The following BIRC6 variants were observed in gnomAD, a reference collection of about 807,000 sequenced individuals.
The protein encoded by BIRC6 is dual E2 ubiquitin-conjugating enzyme/E3 ubiquitin-protein ligase BIRC6.
BIRC6 carries 98 observed loss-of-function variants against 503.3 expected under a neutral mutation model. That is an observed-to-expected ratio of 0.19 (90% confidence interval 0.17 to 0.23). BIRC6 has a LOEUF of 0.23. Ranked by LOEUF, BIRC6 falls within the 10% of genes least tolerant of loss-of-function variation. The pLI is 1.00. For missense variants in BIRC6, 5,360 were observed against 5,806.0 expected, an observed-to-expected ratio of 0.92 and a Z score of 2.50; for synonymous variants, 2,240 against 2,078.7, an observed-to-expected ratio of 1.08 and a Z score of -2.11.
chr2:32,586,041 A>G (rs2060998509), intron 66 of BIRC6, among the ~76,000 whole-genome samples: 1 of 152,208 alleles, frequency 6.6e-6, no homozygotes, highest in South Asian at 2.1e-4. Flanking sequence ...GATGTTCATC[A>G]TGGAAAACAG....
intron 1 of BIRC6, among the ~76,000 whole-genome samples, chr2:32,358,545 G>A (rs993485302): frequency 5.3e-5 from 8 of 152,196 alleles, no homozygotes; most frequent in African/African-American, 1.9e-4. Context: ...TCGGACTCCT[G>A]CATAGAGATG....
intron 50 of BIRC6, among the ~76,000 whole-genome samples, chr2:32,507,424 ACT>A (rs2053920840): frequency 6.6e-6 from 1 of 152,120 alleles, no homozygotes. Context: ...ACAGAGCAAG[ACT>A]CTATCTCAGG....
At chr2:32,432,789 C>T (rs559143838) in intron 12 of BIRC6, among the ~76,000 whole-genome samples, 29 of 150,392 alleles carry the variant, frequency 1.9e-4, no homozygotes, top group African/African-American at 6.4e-4. Flanking sequence ...TTTCATGCTA[C>T]GTGAGATGGG....
At chr2:32,555,113 C>T (rs988954031) in intron 65 of BIRC6, among the ~76,000 whole-genome samples, 2 of 152,154 alleles carry the variant, frequency 1.3e-5, no homozygotes, top group African/African-American at 4.8e-5. Flanking sequence ...GAAAAATTGT[C>T]GAGCTGTCGT....
intron 66 of BIRC6, among the ~76,000 whole-genome samples, chr2:32,576,633 G>T (rs1260196354): frequency 9.7e-6 from 1 of 103,006 alleles, no homozygotes; most frequent in Non-Finnish European, 2.2e-5. Flanking sequence ...TAGATCAAAA[G>T]ATCATAGAGA....
chr2:32,570,779 G>A (rs1433978003), intron 65 of BIRC6, among the ~76,000 whole-genome samples: 3 of 152,094 alleles, frequency 2.0e-5, no homozygotes, highest in African/African-American at 7.2e-5. Context: ...AGTTACAGGT[G>A]TGAGCCATCA....
At chr2:32,576,066 G>T (rs1036084632) in intron 66 of BIRC6, among the ~76,000 whole-genome samples, 9 of 152,076 alleles carry the variant, frequency 5.9e-5, no homozygotes, top group African/African-American at 1.9e-4. Context: ...TTGTATTTAG[G>T]TGCTATATTT....
At position 32,499,457 on chromosome 2, in the gene BIRC6, A is replaced by T. The variant is rs905155261; in HGVS notation, c.8469-90A>T. The T allele has an allele frequency of 9.4e-6, 11 of 1,170,944 alleles. No individual in the cohort carries two copies. The African/African-American group carries it at 1.4e-4, about 15-fold the overall frequency. 72.5% of individuals were successfully genotyped at this position (1,170,944 alleles called of 1,614,324 possible). Reference sequence around the variant, plus strand: ...ATTGTGATAAGTTACTACTTTCAGAACTACTTAAAATCGTTTAATTTTTAA... The same window carrying T: ...ATTGTGATAAGTTACTACTTTCAGATCTACTTAAAATCGTTTAATTTTTAA... On this transcript the variant is annotated intron_variant, in intron 45 of 73. Transcript: ENST00000421745.
In BIRC6 at chr2:32,493,400, A is replaced by G. The variant is rs1260139197; in HGVS notation, c.8341-140A>G. 7.6e-6 allele frequency: 5 copies of G among 655,666 alleles called. No individual in the cohort carries two copies. The Admixed American group carries it at 1.2e-4, about 16-fold the overall frequency. The allele number at this position is 655,666 out of a possible 1,614,324, so 40.6% of individuals were successfully genotyped here. On this transcript the variant is annotated intron_variant, in intron 44 of 73. Transcript: ENST00000421745. ...AGACCTAAAAAATTCATTTCCTGCTATCATTGTTAATACTTTTGTTTTCCT... is the reference window on the plus strand; with the variant it reads ...AGACCTAAAAAATTCATTTCCTGCTGTCATTGTTAATACTTTTGTTTTCCT...
chr2:32,394,542 A>G (rs1023574323), intron 5 of BIRC6, among the ~76,000 whole-genome samples: 3 of 152,102 alleles, frequency 2.0e-5, no homozygotes, highest in Admixed American at 2.0e-4. Context: ...ATTTAATAAT[A>G]AACCCATTGG....
Position 32,377,708 on chromosome 2 carries a change from C to T in BIRC6, c.446C>T (p.Ala149Val). ...AATGGAATCTTGTTGTTAGACACTG[C>T]TCTGCAAACTCCAGTTTCAAAGCAG... ...DLNGILLLDTALQTPVSKQDD... is the reference protein window; with the variant it reads ...DLNGILLLDTVLQTPVSKQDD... Residue 149 changes from alanine to valine, a missense_variant, in exon 2 of 74, where the codon GCT becomes GTT. By Grantham distance (64) the Ala-to-Val change is moderately conservative. This residue lies in a region of BIRC6 where 134 missense variants were observed against 150.9 expected (regional missense o/e 0.89). Coordinates refer to ENST00000421745, the MANE Select transcript of BIRC6 (RefSeq NM_016252.4). The T allele has an allele frequency of 6.2e-7, 1 of 1,613,670 alleles. No individual in the cohort carries two copies. Among genetic ancestry groups the T allele is most frequent in the Non-Finnish European group, 8.5e-7 (1 of 1,179,728 alleles).
chr2:32,547,834 T>G lies in BIRC6; in HGVS notation c.12811-16T>G. ...AAAACAAATTGTAATGGATTTTCAT[T>G]TTTTGTTATTTTAAGCCACAGGTGT... On this transcript the variant is annotated splice_polypyrimidine_tract_variant and intron_variant, in intron 63 of 73. Coordinates refer to ENST00000421745, the MANE Select transcript of BIRC6 (RefSeq NM_016252.4). 6.5e-7 allele frequency: 1 copy of G among 1,532,070 alleles called. No homozygotes were observed. Among genetic ancestry groups the G allele is most frequent in the Non-Finnish European group, 8.8e-7 (1 of 1,141,388 alleles). The allele number at this position is 1,532,070 out of a possible 1,614,324, so 94.9% of individuals were successfully genotyped here.
At chr2:32,478,948 C>T (rs1049475573) in intron 36 of BIRC6, 130 bp downstream of exon 36, 58 of 829,876 alleles carry the variant, frequency 7.0e-5, no homozygotes, top group East Asian at 5.3e-4. Context: ...TCTGTTTAAT[C>T]GGTGTGATGT....
At chr2:32,473,050 G>A (rs2049283716) in intron 32 of BIRC6, 62 bp from the exon 33 acceptor site, 2 of 1,409,830 alleles carry the variant, frequency 1.4e-6, no homozygotes, top group African/African-American at 1.5e-5. Context: ...TTTCTGGGTA[G>A]GAAAGGTACT....
intron 65 of BIRC6, among the ~76,000 whole-genome samples, chr2:32,551,550 G>A (rs1041838988): frequency 6.6e-6 from 1 of 152,134 alleles, no homozygotes; most frequent in Admixed American, 6.5e-5. Flanking sequence ...CAAAAGTGCT[G>A]GAATTAGAGA....
intron 12 of BIRC6, among the ~76,000 whole-genome samples, chr2:32,432,678 T>C (rs1240452897): frequency 6.6e-6 from 1 of 151,432 alleles, no homozygotes; most frequent in Non-Finnish European, 1.5e-5. Context: ...GAGAATCACT[T>C]GAGCCCAGGC....
At chr2:32,564,077 TCAAAAAA>T (rs1475887124) in intron 65 of BIRC6, 3 of 151,160 alleles carry the variant, frequency 2.0e-5, no homozygotes, top group South Asian at 2.1e-4. Context: ...AAACTCTGTC[TCAAAAAA>T]CAAAAAACAA....
chr2:32,357,149 C>A lies in BIRC6; in HGVS notation c.-13C>A, dbSNP rs200128419. 1.1e-5 allele frequency: 17 copies of A among 1,486,114 alleles called. No homozygotes were observed. In the Admixed American group the frequency reaches 4.1e-4, roughly 36 times the overall value. 92.1% of individuals were successfully genotyped at this position (1,486,114 alleles called of 1,614,324 possible). A position where few individuals can be genotyped will look rare whatever the true frequency, so the allele number is the denominator to read the frequency against. ...CTTCCGGCTAACGCGCTCGGCTTGC[C>A]CCCTGGCCCCGGATGGTGACTGGTG... On this transcript the variant is annotated 5_prime_UTR_variant, in exon 1 of 74. Coordinates refer to ENST00000421745, the MANE Select transcript of BIRC6 (RefSeq NM_016252.4). The surrounding 1 kb of genome is among the most constrained non-coding windows in gnomAD (Gnocchi z 4.9).
At chr2:32,587,579 C>T (rs1472737777) in intron 66 of BIRC6, among the ~76,000 whole-genome samples, 1 of 151,952 alleles carries the variant, frequency 6.6e-6, no homozygotes, top group African/African-American at 2.4e-5. Context: ...CAAAAATTAG[C>T]CAGGCGTGGT....
Sources: allele counts gnomAD v4.1 joint callset (sites outside exome capture counted in the v4.1 genomes callset), GRCh38; gene constraint gnomAD v4.1.1; regional missense constraint gnomAD v4.1.1; non-coding constraint Gnocchi (gnomAD v3.1); transcripts MANE v1.5; gene names NCBI Gene and HGNC (gene_info 2026-07-23, HGNC 2026-07-21).